The following ZNF350 variants were observed in gnomAD, a reference collection of about 807,000 sequenced individuals.
ZNF350 encodes zinc finger protein 350, also known as KRAB zinc finger protein ZFQR.
Under a neutral mutation model 13.1 loss-of-function variants are expected in ZNF350, and 5 were observed. The ratio of observed to expected loss-of-function variants is 0.38; its 90% CI spans 0.20 to 0.80. The LOEUF (loss-of-function observed/expected upper bound fraction) is 0.80, where lower values mean the gene tolerates loss of function less well. Among genes scored for constraint, ZNF350 ranks in the 30% least tolerant of loss-of-function variants. The pLI, the probability that ZNF350 is intolerant of heterozygous loss-of-function variation, is 0.43. For missense variants in ZNF350, 534 were observed against 644.2 expected (o/e 0.83, Z 1.85); for synonymous variants, 199 against 224.2 (o/e 0.89, Z 1.00).
chr19:51,978,907 C>T (rs2085964224), intron 1 of ZNF350, among the ~76,000 whole-genome samples: 1 of 152,052 alleles, frequency 6.6e-6, no homozygotes, highest in Admixed American at 6.6e-5. Context: ...CCCAGAAGGA[C>T]AACAATGGAA....
chr19:51,966,186 C>T lies in ZNF350; in HGVS notation c.267G>A (p.Glu89=). 6.3e-7 allele frequency: 1 copy of T among 1,589,206 alleles called. No homozygotes were observed. Among genetic ancestry groups the T allele is most frequent in the East Asian group, 2.2e-5 (1 of 44,610 alleles). Residue 89 remains glutamate (E), a synonymous_variant, in exon 5 of 5, where the codon GAG becomes GAA. Coordinates refer to ENST00000243644, the MANE Select transcript of ZNF350 (RefSeq NM_021632.4). The part of the protein sequence containing the change: ...SDIWKVDHVL[E]RLQSESLVNR... Reference sequence around the variant, plus strand: ...TCACCAGGCTTTCACTCTGCAAGCGCTCCAGCACATGATCAACTTTCCATA... The same window carrying T: ...TCACCAGGCTTTCACTCTGCAAGCGTTCCAGCACATGATCAACTTTCCATA...
At chr19:51,966,328 G>C in intron 4 of ZNF350, 114 bp from the exon 5 acceptor site, 1 of 1,107,758 alleles carries the variant, frequency 9.0e-7, no homozygotes, top group Non-Finnish European at 1.2e-6. Context: ...CCGTTGTCCA[G>C]GCTGGAGTGC....
In ZNF350 at chr19:51,965,412, C is replaced by A; in HGVS notation, c.1041G>T (p.Val347=). Residue 347 remains valine (V), a synonymous_variant, in exon 5 of 5, where the codon GTG becomes GTT. Coordinates refer to ENST00000243644, the MANE Select transcript of ZNF350 (RefSeq NM_021632.4). ...AACAGGATTTTCCACATTCACTGCA[C>A]ACAAAGGGCGTCTTTCCTGTGTGAA... ...QRFHTGKTPF[V]CSECGKSCSQ... is the part of the protein sequence containing the mutation. 1 of 1,614,114 alleles carries A rather than the reference C, an allele frequency of 6.2e-7. No homozygotes were observed. The highest frequency in any genetic ancestry group is 8.5e-7 in the Non-Finnish European group (1 of 1,180,014).
chr19:51,967,026 C>T (rs2085601242), intron 4 of ZNF350, among the ~76,000 whole-genome samples: 1 of 152,046 alleles, frequency 6.6e-6, no homozygotes, highest in African/African-American at 2.4e-5. Flanking sequence ...AAATAAAACT[C>T]CATGTTTAAT....
rs959735352 is a variant in ZNF350, at chr19:51,976,490, G to A, written c.-171-1959C>T. 1.2e-4 allele frequency: 19 copies of A among 152,506 alleles called. No individual in the cohort carries two copies. Among genetic ancestry groups the A allele is most frequent in the African/African-American group, 4.6e-4 (19 of 41,564 alleles). The allele number at this position is 152,506 out of a possible 1,614,324, so 9.4% of individuals were successfully genotyped here. A position where few individuals can be genotyped will look rare whatever the true frequency, so the allele number is the denominator to read the frequency against. On this transcript the variant is annotated intron_variant, in intron 1 of 4. Transcript: ENST00000243644. The surrounding 1 kb of genome is among the most constrained non-coding windows in gnomAD (Gnocchi z 4.5). The stretch of plus-strand genomic sequence containing the variant: ...AACATGGGACTTCAAGGACGTGAAT[G>A]AAGAAGGTCTGCTGGAGCAGAGGAA...
rs138354035 is a variant in ZNF350 at position 51,977,225 on chromosome 19, C to T, written c.-171-2694G>A. Among the ~76,000 whole-genome samples the T allele has an allele frequency of 1.1e-4, 16 of 152,328 alleles. No individual in the cohort carries two copies. The East Asian group carries it at 2.7e-3, about 26-fold the overall frequency. On this transcript the variant is annotated intron_variant, in intron 1 of 4. Coordinates refer to ENST00000243644, the MANE Select transcript of ZNF350 (RefSeq NM_021632.4). ...CCACAGCAGGTTATTCATGAACACA[C>T]CCCACTAGAGTTTAAGTTGTTGAAG... is the stretch of plus-strand genomic sequence containing the variant.
chr19:51,969,950 T>G (rs1191837422), intron 2 of ZNF350, among the ~76,000 whole-genome samples: 2 of 152,110 alleles, frequency 1.3e-5, no homozygotes, highest in African/African-American at 4.8e-5. Context: ...TGGGGTGCAG[T>G]GGCATAATCT....
At chr19:51,968,164 T>G in intron 4 of ZNF350, among the ~76,000 whole-genome samples, 1 of 151,536 alleles carries the variant, frequency 6.6e-6, no homozygotes, top group Non-Finnish European at 1.5e-5. Flanking sequence ...AGGGGAGGTG[T>G]TAGGAGGGGA....
chr19:51,980,266 G>A (rs2086000672), intron 1 of ZNF350, among the ~76,000 whole-genome samples: 1 of 152,164 alleles, frequency 6.6e-6, no homozygotes, highest in South Asian at 2.1e-4. Context: ...CCTGGGCTAT[G>A]GATTCTTGTT....
chr19:51,982,203 T>C (rs1280183373), intron 1 of ZNF350, among the ~76,000 whole-genome samples: 2 of 151,934 alleles, frequency 1.3e-5, no homozygotes, highest in African/African-American at 2.4e-5. Context: ...CTGGACATCC[T>C]AACTCATAAA....
At chr19:51,980,737 G>A (rs1432461257) in intron 1 of ZNF350, among the ~76,000 whole-genome samples, 3 of 152,124 alleles carry the variant, frequency 2.0e-5, no homozygotes, top group Admixed American at 2.0e-4. Flanking sequence ...CTTTGATATT[G>A]GTGAATTACA....
At chr19:51,972,580 T>C (rs1434762070) in intron 2 of ZNF350, among the ~76,000 whole-genome samples, 1 of 151,994 alleles carries the variant, frequency 6.6e-6, no homozygotes, top group East Asian at 1.9e-4. Flanking sequence ...CAATGAAGAG[T>C]CCCTTCAAGT....
chr19:51,977,636 G>A (rs752450265), intron 1 of ZNF350, among the ~76,000 whole-genome samples: 1 of 152,234 alleles, frequency 6.6e-6, no homozygotes, highest in Admixed American at 6.5e-5. Context: ...TGCAAGGGTT[G>A]CAGGAACCCT....
chr19:51,966,655 T>G (rs1195569256), intron 4 of ZNF350, among the ~76,000 whole-genome samples: 1 of 147,174 alleles, frequency 6.8e-6, no homozygotes, highest in Non-Finnish European at 1.5e-5. Flanking sequence ...TTGTTTTTTT[T>G]TTGTTTTTTG....
chr19:51,968,598 A>G lies in ZNF350; in HGVS notation c.218T>C (p.Ile73Thr), dbSNP rs777674655. ...CTCACCTGAACAGGCTCCACTGTGG[A>G]TTCCATCTTCAATTGTCCACAGTTG... ...GEQLWTIEDGIHSGACSDIWK... is the reference protein window; with the variant it reads ...GEQLWTIEDGTHSGACSDIWK... Residue 73 changes from isoleucine to threonine, a missense_variant, in exon 4 of 5, where the codon ATC (isoleucine) becomes ACC (threonine). Coordinates refer to ENST00000243644, the MANE Select transcript of ZNF350 (RefSeq NM_021632.4). 1.9e-6 allele frequency: 3 copies of G among 1,613,920 alleles called. No individual in the cohort carries two copies. The highest frequency in any genetic ancestry group is 2.7e-5 in the African/African-American group (2 of 74,896).
chr19:51,965,055 A>G lies in ZNF350; in HGVS notation c.1398T>C (p.Ser466=), dbSNP rs999156602. ...SANGATTQVP[S]VAPQTSLNIS... is the part of the protein sequence containing the mutation. ...TGTTTAATGATGTCTGAGGGGCCAC[A>G]GAAGGCACTTGTGTAGTCGCCCCGT... Residue 466 remains serine, a synonymous_variant, in exon 5 of 5, where the codon TCT becomes TCC. Transcript: ENST00000243644. 4.8e-5 allele frequency: 77 copies of G among 1,614,092 alleles called. No individual in the cohort carries two copies. Among genetic ancestry groups the G allele is most frequent in the Non-Finnish European group, 6.3e-5 (74 of 1,180,032 alleles).
chr19:51,972,813 T>C (rs1322940428), intron 2 of ZNF350, among the ~76,000 whole-genome samples: 2 of 152,132 alleles, frequency 1.3e-5, no homozygotes, highest in African/African-American at 2.4e-5. Flanking sequence ...AAACTTTTTC[T>C]CTTTTCTTCA....
chr19:51,970,311 C>G (rs1387418303), intron 2 of ZNF350, among the ~76,000 whole-genome samples: 1 of 152,122 alleles, frequency 6.6e-6, no homozygotes, highest in Non-Finnish European at 1.5e-5. Context: ...GATCCACCCA[C>G]CTCAGCCTCC....
chr19:51,986,150 T>C (rs1485002838), intron 1 of ZNF350, among the ~76,000 whole-genome samples: 4 of 152,162 alleles, frequency 2.6e-5, no homozygotes, highest in Non-Finnish European at 5.9e-5. Flanking sequence ...TCGGAGGGTA[T>C]GACTGAACTT....
Sources: allele counts gnomAD v4.1 joint callset (sites outside exome capture counted in the v4.1 genomes callset), GRCh38; gene constraint gnomAD v4.1.1; non-coding constraint Gnocchi (gnomAD v3.1); transcripts MANE v1.5; gene names NCBI Gene and HGNC (gene_info 2026-07-23, HGNC 2026-07-21).